Variants in NBPF26 observed in about 807,000 individuals in gnomAD.
NBPF26 encodes the protein NBPF member 26, also known as NBPF family member NBPF26.
Under a neutral mutation model 119.6 loss-of-function variants are expected in NBPF26, and 79 were observed. The ratio of observed to expected loss-of-function variants is 0.66; its 90% CI spans 0.55 to 0.80. The LOEUF (loss-of-function observed/expected upper bound fraction) is 0.80. Among genes scored for constraint, NBPF26 ranks in the 30% least tolerant of loss-of-function variants. The pLI is 0.00. For synonymous variants in NBPF26, 299 were observed against 457.7 expected, an observed-to-expected ratio of 0.65 and a Z score of 4.43; for missense variants, 800 against 1,198.2, an observed-to-expected ratio of 0.67 and a Z score of 4.91.
At chr1:120,730,492 G>A (rs1650863766) in intron 1 of NBPF26, among the ~76,000 whole-genome samples, 1 of 79,642 alleles carries the variant, frequency 1.3e-5, no homozygotes, top group Non-Finnish European at 2.2e-5. Context: ...GAAGAAGGAA[G>A]TGGCTTCAGA....
rs1272440387 is a variant in NBPF26 at position 120,784,482 on chromosome 1, C to G, written c.156-492C>G. ...TGTTATGGCCTTTGCATTTGCTGTT[C>G]CCTTTCTCATGAATGTGTTTCCCTA... On this transcript the variant is annotated intron_variant, in intron 2 of 29. Coordinates refer to ENST00000620612, the Ensembl canonical transcript of NBPF26. Among the ~76,000 whole-genome samples the G allele has an allele frequency of 3.4e-5, 4 of 116,674 alleles. 1 individual carries two copies. The highest frequency in any genetic ancestry group is 6.6e-5 in the Non-Finnish European group (4 of 60,812). The allele number at this position is 116,674 out of a possible 152,430, so 76.5% of individuals were successfully genotyped here.
chr1:120,793,423 A>G lies in NBPF26; in HGVS notation c.678A>G (p.Ala226=), dbSNP rs1651516503. Residue 226 remains alanine, a synonymous_variant, in exon 4 of 30, where the codon GCA becomes GCG. Coordinates refer to ENST00000620612, the Ensembl canonical transcript of NBPF26. Reference sequence around the variant, plus strand: ...GTGACAGACTGTATGTGCCCTGTGCACACTCGCCTTGTGTCAATGGAGGCA... The same window carrying G: ...GTGACAGACTGTATGTGCCCTGTGCGCACTCGCCTTGTGTCAATGGAGGCA... 8 of 1,442,922 alleles carry G rather than the reference A, an allele frequency of 5.5e-6. 2 individuals carry two copies. The highest frequency in any genetic ancestry group is 2.0e-5 in the Admixed American group (1 of 51,264). 89.4% of individuals were successfully genotyped at this position (1,442,922 alleles called of 1,614,324 possible). A position where few individuals can be genotyped will look rare whatever the true frequency, so the allele number is the denominator to read the frequency against.
rs1316272872 is a variant in NBPF26 at position 120,729,038 on chromosome 1, T to C, written c.73+4788T>C. ...TCAGAGTCAACTGAGTGGCAGGTCT[T>C]AGTCACAGCATCTATGACTCCTGCT... On this transcript the variant is annotated intron_variant, in intron 1 of 29. Coordinates refer to ENST00000620612, the Ensembl canonical transcript of NBPF26. 1.0e-4 allele frequency among the ~76,000 whole-genome samples: 12 copies of C among 116,250 alleles called. 2 individuals carry two copies. The highest frequency in any genetic ancestry group is 2.0e-4 in the Non-Finnish European group (12 of 60,890). The allele number at this position is 116,250 out of a possible 152,430, so 76.3% of individuals were successfully genotyped here.
intron 1 of NBPF26, among the ~76,000 whole-genome samples, chr1:120,727,871 C>G (rs1650833017): frequency 1.7e-5 from 2 of 117,600 alleles, no homozygotes; most frequent in Non-Finnish European, 3.3e-5. Flanking sequence ...GTCAGCCTAC[C>G]ATATGTGTAG....
chr1:120,814,967 C>G, exon 12 of NBPF26: 1 of 1,086,202 alleles, frequency 9.2e-7, no homozygotes, highest in Non-Finnish European at 1.3e-6. Context: ...CGGACAAGTC[C>G]CAGGGGCAGG....
At chr1:120,759,267 C>CTTTT (rs1169932555) in intron 1 of NBPF26, among the ~76,000 whole-genome samples, 2 of 33,288 alleles carry the variant, frequency 6.0e-5, no homozygotes, top group Non-Finnish European at 9.9e-5. Context: ...CTTCTTTTTG[C>CTTTT]TTTTTTTTTT....
chr1:120,804,799 C>T (rs1339552203), intron 4 of NBPF26, among the ~76,000 whole-genome samples: 2 of 117,266 alleles, frequency 1.7e-5, no homozygotes, highest in African/African-American at 9.8e-5. Context: ...ATCAATCTAA[C>T]AATGGGATGC....
rs1189272610 is a variant in NBPF26 at position 120,790,535 on chromosome 1, CCTTTCTTTCTTT to C, written c.416-2579_416-2568del. ...TTGATTCTTTCTTTCTTTCTCCCTC[CCTTTCTTTCTTT>C]CTTTCTTTCTTTCTTTCTTTCTTTC... On this transcript the variant is annotated intron_variant, in intron 3 of 29. Coordinates refer to ENST00000620612, the Ensembl canonical transcript of NBPF26. 7.7e-3 allele frequency among the ~76,000 whole-genome samples: 594 copies of C among 76,710 alleles called. 108 individuals carry two copies. Among genetic ancestry groups the C allele is most frequent in the South Asian group, 0.025 (65 of 2,560 alleles). 50.3% of individuals were successfully genotyped at this position (76,710 alleles called of 152,430 possible). A position where few individuals can be genotyped will look rare whatever the true frequency, so the allele number is the denominator to read the frequency against.
downstream of NBPF26, chr1:120,840,640 A>T (rs1553273611): frequency 6.9e-7 from 1 of 1,450,024 alleles, no homozygotes; most frequent in Admixed American, 1.9e-5. Context: ...GGCAGGACCT[A>T]TAGGCACGTG....
rs1650827786 is a variant in NBPF26, at chr1:120,727,451, G to C, written c.73+3201G>C. 1.8e-5 allele frequency among the ~76,000 whole-genome samples: 2 copies of C among 114,150 alleles called. 1 individual carries two copies. Among genetic ancestry groups the C allele is most frequent in the Non-Finnish European group, 3.3e-5 (2 of 60,144 alleles). 74.9% of individuals were successfully genotyped at this position (114,150 alleles called of 152,430 possible). A position where few individuals can be genotyped will look rare whatever the true frequency, so the allele number is the denominator to read the frequency against. On this transcript the variant is annotated intron_variant, in intron 1 of 29. Coordinates refer to ENST00000620612, the Ensembl canonical transcript of NBPF26. The stretch of plus-strand genomic sequence containing the variant: ...TATAGAATATAATGTCATTTCTTCT[G>C]TTTATCTGGGTGCAGTATGTCTGCA...
In NBPF26 at chr1:120,795,948, G is replaced by A. The variant is rs1318142714; in HGVS notation, c.751+2452G>A. On this transcript the variant is annotated intron_variant, in intron 4 of 29. Coordinates refer to ENST00000620612, the Ensembl canonical transcript of NBPF26. ...TGTGTGTGTGTGTGTGTGTGTGTGT[G>A]TATATGCCGTTGTGCAGATGTTTAA... 1.9e-4 allele frequency among the ~76,000 whole-genome samples: 4 copies of A among 21,442 alleles called. 2 individuals are homozygous for A. The highest frequency in any genetic ancestry group is 4.2e-4 in the Non-Finnish European group (4 of 9,430). 14.1% of individuals were successfully genotyped at this position (21,442 alleles called of 152,430 possible).
chr1:120,802,362 C>A (rs1434708331), intron 4 of NBPF26, among the ~76,000 whole-genome samples: 2 of 126,078 alleles, frequency 1.6e-5, no homozygotes, highest in East Asian at 3.9e-4. Flanking sequence ...CATTCCAAAG[C>A]CAAAACACAA....
Position 120,727,766 on chromosome 1 carries a change from A to G in NBPF26, c.73+3516A>G, listed in dbSNP as rs1299774320. Among the ~76,000 whole-genome samples, 8 of 116,126 alleles carry G rather than the reference A, an allele frequency of 6.9e-5. 2 individuals are homozygous for G. The highest frequency in any genetic ancestry group is 4.2e-4 in the East Asian group (2 of 4,708). The allele number at this position is 116,126 out of a possible 152,430, so 76.2% of individuals were successfully genotyped here. On this transcript the variant is annotated intron_variant, in intron 1 of 29. Coordinates refer to ENST00000620612, the Ensembl canonical transcript of NBPF26. The stretch of plus-strand genomic sequence containing the variant: ...TTCGAATGCCTAAATTTGAACTATT[A>G]ATTTTCCTTCCACGCTTTCCTGATT...
At chr1:120,793,760 T>G (rs1651522460) in intron 4 of NBPF26, 1 of 908,230 alleles carries the variant, frequency 1.1e-6, no homozygotes, top group East Asian at 2.5e-5. Flanking sequence ...CAGTGAGAAA[T>G]AAGAGGAACA....
rs1268574501 is a variant in NBPF26, at chr1:120,814,773, T to G, written c.1878-56T>G. On this transcript the variant is annotated intron_variant, in intron 11 of 29. Coordinates refer to ENST00000620612, the Ensembl canonical transcript of NBPF26. Reference sequence around the variant, plus strand: ...TCTCAGAAATCTCTGTTGCAATATTTGAGCGGATCACTCAACCCTTTCTAC... The same window carrying G: ...TCTCAGAAATCTCTGTTGCAATATTGGAGCGGATCACTCAACCCTTTCTAC... 8 of 1,084,438 alleles carry G rather than the reference T, an allele frequency of 7.4e-6. 3 individuals carry two copies. The African/African-American group carries it at 1.9e-4, about 25-fold the overall frequency. The allele number at this position is 1,084,438 out of a possible 1,614,324, so 67.2% of individuals were successfully genotyped here. A position where few individuals can be genotyped will look rare whatever the true frequency, so the allele number is the denominator to read the frequency against.
Position 120,777,586 on chromosome 1 carries a change from A to C in NBPF26, c.156-7388A>C, listed in dbSNP as rs1431973978. Among the ~76,000 whole-genome samples the C allele has an allele frequency of 2.1e-5, 2 of 96,190 alleles. 1 individual carries two copies. The highest frequency in any genetic ancestry group is 3.8e-5 in the Non-Finnish European group (2 of 52,918). 63.1% of individuals were successfully genotyped at this position (96,190 alleles called of 152,430 possible). A position where few individuals can be genotyped will look rare whatever the true frequency, so the allele number is the denominator to read the frequency against. On this transcript the variant is annotated intron_variant, in intron 2 of 29. Transcript: ENST00000620612. ...CAGTTCTGGACACCAATCTATACAC[A>C]AATACTTTTTTTTAAAGTTCTTTTT...
exon 18 of NBPF26, chr1:120,824,086 T>A: frequency 2.1e-6 from 1 of 473,840 alleles, no homozygotes. Context: ...ATGCCAGCCC[T>A]ACAGAAGTGC....
Position 120,766,628 on chromosome 1 carries a change from C to T in NBPF26, c.155+2919C>T, listed in dbSNP as rs1203766857. Among the ~76,000 whole-genome samples, 2 of 14,514 alleles carry T rather than the reference C, an allele frequency of 1.4e-4. 1 individual carries two copies. Among genetic ancestry groups the T allele is most frequent in the Non-Finnish European group, 2.2e-4 (2 of 9,108 alleles). The allele number at this position is 14,514 out of a possible 152,430, so 9.5% of individuals were successfully genotyped here. The stretch of plus-strand genomic sequence containing the variant: ...TTGCACCACTGCACTCCAGCCTGAG[C>T]GACAGAGCGAGACTGTGTTTCCAAA... On this transcript the variant is annotated intron_variant, in intron 2 of 29. Transcript: ENST00000620612.
At position 120,793,586 on chromosome 1, in the gene NBPF26, G is replaced by C. The variant is rs878887050; in HGVS notation, c.751+90G>C. ...GGCTCAATTGCATTTTTTAGGAAGC[G>C]CAAGGAAAAAGGGAAGTGAGAATTT... On this transcript the variant is annotated intron_variant, in intron 4 of 29. Coordinates refer to ENST00000620612, the Ensembl canonical transcript of NBPF26. The C allele has an allele frequency of 2.8e-4, 287 of 1,009,616 alleles. 57 individuals are homozygous for C. Among genetic ancestry groups the C allele is most frequent in the East Asian group, 1.3e-4 (5 of 38,364 alleles). The allele number at this position is 1,009,616 out of a possible 1,614,324, so 62.5% of individuals were successfully genotyped here.
Sources: allele counts gnomAD v4.1 joint callset (sites outside exome capture counted in the v4.1 genomes callset), GRCh38; gene constraint gnomAD v4.1.1; transcripts MANE v1.5; gene names NCBI Gene and HGNC (gene_info 2026-07-23, HGNC 2026-07-21).